The following PXK variants were observed in gnomAD, a reference collection of about 807,000 sequenced individuals.
PXK encodes the protein PX domain-containing protein kinase-like protein.
Under a neutral mutation model 84.7 loss-of-function variants are expected in PXK, and 35 were observed. That is an observed-to-expected ratio of 0.41 (90% confidence interval 0.32 to 0.55). The LOEUF (loss-of-function observed/expected upper bound fraction) is 0.55, where lower values mean the gene tolerates loss of function less well. PXK is among the 20% of genes least tolerant of loss of function. PXK has a pLI of 0.21. For synonymous variants in PXK, 253 were observed against 260.8 expected, an observed-to-expected ratio of 0.97 and a Z score of 0.29; for missense variants, 634 against 699.7, an observed-to-expected ratio of 0.91 and a Z score of 1.06.
chr3:58,336,363 T>C (rs1353877508), intron 1 of PXK, among the ~76,000 whole-genome samples: 1 of 152,020 alleles, frequency 6.6e-6, no homozygotes, highest in Non-Finnish European at 1.5e-5. Flanking sequence ...AGAAAGGACA[T>C]GTGTTGGTAG....
intron 1 of PXK, among the ~76,000 whole-genome samples, chr3:58,334,147 T>C (rs2097546613): frequency 6.6e-6 from 1 of 152,212 alleles, no homozygotes; most frequent in Non-Finnish European, 1.5e-5. Context: ...TCGTTCAAGC[T>C]CTTCTGATGA....
rs2098613169 is a variant in PXK at position 58,390,283 on chromosome 3, A to G, written c.389-299A>G. 6.6e-6 allele frequency among the ~76,000 whole-genome samples: 1 copy of G among 152,196 alleles called. No individual in the cohort carries two copies. The highest frequency in any genetic ancestry group is 1.5e-5 in the Non-Finnish European group (1 of 68,034). ...CCTAATGTTAATATTTTATATAACC[A>G]TGGCACATTTATCAAAACTAGAAGT... On this transcript the variant is annotated intron_variant, in intron 4 of 17. Transcript: ENST00000356151. This position sits in a 1 kb window ranked among gnomAD's most constrained non-coding sequence, Gnocchi z 4.2.
rs978365186 is a variant in PXK, at chr3:58,364,666, C to T, written c.103-1208C>T. 1.5e-4 allele frequency among the ~76,000 whole-genome samples: 23 copies of T among 151,750 alleles called. No individual in the cohort carries two copies. Among genetic ancestry groups the T allele is most frequent in the African/African-American group, 3.9e-4 (16 of 41,262 alleles). ...GGCGGAAGTGGCAGTGAGCTGAGAT[C>T]GTGCCACTGCACTCCAGCCTGGGTG... On this transcript the variant is annotated intron_variant, in intron 1 of 17. Transcript: ENST00000356151. This position sits in a 1 kb window ranked among gnomAD's most constrained non-coding sequence, Gnocchi z 4.3.
rs375274175 is a variant in PXK at position 58,379,797 on chromosome 3, G to A, written c.202-2717G>A. On this transcript the variant is annotated intron_variant, in intron 3 of 17. Transcript: ENST00000356151. This position sits in a 1 kb window ranked among gnomAD's most constrained non-coding sequence, Gnocchi z 5.1. ...AATACTCTTTAAAAAAAAGAAAAGC[G>A]AAATACAAAAATTAGTCGGGCATGG... Among the ~76,000 whole-genome samples, 7 of 151,966 alleles carry A rather than the reference G, an allele frequency of 4.6e-5. No homozygotes were observed. Among genetic ancestry groups the A allele is most frequent in the Non-Finnish European group, 8.8e-5 (6 of 67,984 alleles).
intron 17 of PXK, 43 bp from the exon 18 acceptor site, chr3:58,424,709 A>G (rs1261744242): frequency 6.3e-7 from 1 of 1,595,664 alleles, no homozygotes; most frequent in Non-Finnish European, 8.5e-7. Flanking sequence ...TGTGCAGGGC[A>G]GCTGTGGAGG....
chr3:58,423,127 CCCT>C (rs1576907910), intron 17 of PXK: 1 of 985,294 alleles, frequency 1.0e-6, no homozygotes, highest in Non-Finnish European at 1.2e-6. Context: ...CAGAGGTCTC[CCCT>C]CCTCCTGGTA....
At chr3:58,420,862 ATTT>A in intron 17 of PXK, 1 of 1,211,442 alleles carries the variant, frequency 8.3e-7, no homozygotes. Flanking sequence ...ATTTTGGTAT[ATTT>A]TAATTTTGGA....
At position 58,348,062 on chromosome 3, in the gene PXK, C is replaced by T. The variant is rs538658222; in HGVS notation, c.102+14972C>T. Among the ~76,000 whole-genome samples, 8 of 152,190 alleles carry T rather than the reference C, an allele frequency of 5.3e-5. No individual in the cohort carries two copies. The East Asian group carries it at 5.8e-4, about 11-fold the overall frequency. ...AGCTAGGACTACAGGCGCGTGAGAC[C>T]GTGCCCGGCTAATTTTTGTGTCTTT... is the stretch of plus-strand genomic sequence containing the variant. On this transcript the variant is annotated intron_variant, in intron 1 of 17. Transcript: ENST00000356151.
intron 17 of PXK, among the ~76,000 whole-genome samples, chr3:58,417,906 A>G (rs769152168): frequency 1.6e-4 from 24 of 152,154 alleles, no homozygotes; most frequent in Non-Finnish European, 3.2e-4. Context: ...CAGTGGTGCA[A>G]TCACGGCTCA....
Position 58,397,636 on chromosome 3 carries a change from G to A in PXK, c.1016G>A (p.Gly339Asp), listed in dbSNP as rs1246476868. 6.2e-7 allele frequency: 1 copy of A among 1,614,108 alleles called. No homozygotes were observed. Residue 339 changes from glycine (G) to aspartate (D), a missense_variant, in exon 11 of 18, where the codon GGC (glycine) becomes GAC (aspartate). Transcript: ENST00000356151. This position sits in a 1 kb window ranked among gnomAD's most constrained non-coding sequence, Gnocchi z 4.7. ...GAAAGTGTGGATGTCCACTGCTTTG[G>A]CCACTTACTGTATGAAATGACTTAT... ...TLESVDVHCF[G>D]HLLYEMTYGR...
intron 2 of PXK, among the ~76,000 whole-genome samples, chr3:58,368,365 C>T (rs572541070): frequency 1.1e-3 from 170 of 152,178 alleles, no homozygotes; most frequent in Non-Finnish European, 1.9e-3. Context: ...TTCTGTTGCC[C>T]GGGCTGGAAT....
intron 17 of PXK, chr3:58,423,194 C>CA: frequency 1.0e-6 from 1 of 984,566 alleles, no homozygotes; most frequent in South Asian, 4.7e-5. Context: ...ATCACACATG[C>CA]TTATTCTCCG....
chr3:58,333,416 C>T lies in PXK; in HGVS notation c.102+326C>T. ...GCGGGATTCCCGGGCTCACCTTGGA[C>T]TAGGGGAGCAGGAACGAGACCGCTC... is the stretch of plus-strand genomic sequence containing the variant. On this transcript the variant is annotated intron_variant, in intron 1 of 17. Coordinates refer to ENST00000356151, the MANE Select transcript of PXK (RefSeq NM_017771.5). This position sits in a 1 kb window ranked among gnomAD's most constrained non-coding sequence, Gnocchi z 5.4. 1 of 327,740 alleles carries T rather than the reference C, an allele frequency of 3.1e-6. No homozygotes were observed. Among genetic ancestry groups the T allele is most frequent in the Non-Finnish European group, 6.5e-6 (1 of 154,574 alleles). 20.3% of individuals were successfully genotyped at this position (327,740 alleles called of 1,614,324 possible). A position where few individuals can be genotyped will look rare whatever the true frequency, so the allele number is the denominator to read the frequency against.
chr3:58,401,403 C>T lies in PXK; in HGVS notation c.1181+2026C>T, dbSNP rs1207697223. Among the ~76,000 whole-genome samples, 3 of 151,912 alleles carry T rather than the reference C, an allele frequency of 2.0e-5. No homozygotes were observed. The South Asian group carries it at 6.2e-4, about 32-fold the overall frequency. On this transcript the variant is annotated intron_variant, in intron 12 of 17. Coordinates refer to ENST00000356151, the MANE Select transcript of PXK (RefSeq NM_017771.5). This position sits in a 1 kb window ranked among gnomAD's most constrained non-coding sequence, Gnocchi z 4.4. ...CTGAGGCAGGTGGATCACTTGAGCT[C>T]AGGAGTTCAAGACCAGCCTGGCCAA...
Position 58,409,567 on chromosome 3 carries a change from C to T in PXK, c.1344C>T (p.Ser448=). ...HQHRRLTRAQ[S]HHGSEEERKK... The stretch of plus-strand genomic sequence containing the variant: ...ATCGAAGACTGACAAGAGCTCAGTC[C>T]CACCATGGATCTGAGGAGGAAAGAA... Residue 448 remains serine, a synonymous_variant, in exon 15 of 18, where the codon TCC becomes TCT. Transcript: ENST00000356151. The surrounding 1 kb of genome is among the most constrained non-coding windows in gnomAD (Gnocchi z 4.2). 1 of 1,613,440 alleles carries T rather than the reference C, an allele frequency of 6.2e-7. No homozygotes were observed. The highest frequency in any genetic ancestry group is 2.2e-5 in the East Asian group (1 of 44,860).
At chr3:58,395,823 A>G in intron 9 of PXK, 64 bp downstream of exon 9, 1 of 1,366,624 alleles carries the variant, frequency 7.3e-7, no homozygotes, top group South Asian at 1.2e-5. Flanking sequence ...TTCACCTGGA[A>G]AAGTTCTTAA....
chr3:58,341,768 A>G (rs2097736199), intron 1 of PXK, among the ~76,000 whole-genome samples: 1 of 148,808 alleles, frequency 6.7e-6, no homozygotes, highest in East Asian at 2.0e-4. Flanking sequence ...CAGCAGTGTG[A>G]TCTTGGCTCA....
At chr3:58,351,396 TG>T (rs199707328) in intron 1 of PXK, among the ~76,000 whole-genome samples, 3,751 of 16,886 alleles carry the variant, frequency 0.22, 144 homozygotes, top group African/African-American at 0.42. Context: ...GCTAGCTATT[TG>T]TGTGTGTGTG....
In PXK at chr3:58,385,363, G is replaced by A. The variant is rs529688074; in HGVS notation, c.388+2663G>A. 4.6e-5 allele frequency among the ~76,000 whole-genome samples: 7 copies of A among 152,302 alleles called. No homozygotes were observed. The highest frequency in any genetic ancestry group is 1.4e-4 in the African/African-American group (6 of 41,562). ...GTCTAGCCTCAAGGCTGACATACCA[G>A]CCACCTCAGGAAAAGGAAGCATAGG... On this transcript the variant is annotated intron_variant, in intron 4 of 17. Coordinates refer to ENST00000356151, the MANE Select transcript of PXK (RefSeq NM_017771.5). The surrounding 1 kb of genome is among the most constrained non-coding windows in gnomAD (Gnocchi z 5.1).
Sources: allele counts gnomAD v4.1 joint callset (sites outside exome capture counted in the v4.1 genomes callset), GRCh38; gene constraint gnomAD v4.1.1; non-coding constraint Gnocchi (gnomAD v3.1); transcripts MANE v1.5; gene names NCBI Gene and HGNC (gene_info 2026-07-23, HGNC 2026-07-21).